FBXL13: variants seen among roughly 807,000 people sequenced by gnomAD.
FBXL13 encodes F-box and leucine rich repeat protein 13, also known as F-box and leucine-rich repeat protein 13.
FBXL13 carries 67 observed loss-of-function variants against 83.6 expected under a neutral mutation model. That is an observed-to-expected ratio of 0.80 (90% CI 0.66 to 0.98). FBXL13 has a LOEUF of 0.98. Among genes scored for constraint, FBXL13 ranks in the 50% least tolerant of loss-of-function variants. The pLI, the probability that FBXL13 is intolerant of heterozygous loss-of-function variation, is 0.00. For missense variants in FBXL13, 822 were observed against 866.5 expected, an observed-to-expected ratio of 0.95 and a Z score of 0.64; for synonymous variants, 272 against 299.5, an observed-to-expected ratio of 0.91 and a Z score of 0.95.
At chr7:102,831,468 T>C (rs1800689075) in intron 18 of FBXL13, among the ~76,000 whole-genome samples, 1 of 151,490 alleles carries the variant, frequency 6.6e-6, no homozygotes, top group Non-Finnish European at 1.5e-5. Flanking sequence ...AAAATATGAA[T>C]AGTGTCAGGG....
At position 103,046,049 on chromosome 7, in the gene FBXL13, T is replaced by C. The variant is rs1365769604; in HGVS notation, c.-1+9595A>G. The stretch of plus-strand genomic sequence containing the variant: ...ATTATTATGACTCTCAGGAGGATAA[T>C]ACCAAGAGTTTAGAGTATGCTCCTT... On this transcript the variant is annotated intron_variant, in intron 2 of 19. Coordinates refer to ENST00000313221, the Ensembl canonical transcript of FBXL13. Among the ~76,000 whole-genome samples, 4 of 152,196 alleles carry C rather than the reference T, an allele frequency of 2.6e-5. No homozygotes were observed. The East Asian group carries it at 7.7e-4, about 29-fold the overall frequency.
chr7:102,871,177 C>T lies in FBXL13; in HGVS notation c.1635+6290G>A, dbSNP rs150346603. Among the ~76,000 whole-genome samples the T allele has an allele frequency of 6.6e-5, 10 of 152,184 alleles. No homozygotes were observed. The East Asian group carries it at 1.9e-3, about 29-fold the overall frequency. Reference sequence around the variant, plus strand: ...ATGCCCTCCTTGAGGATCTTGGCCACATTCACACCTCCATGAGAATGACTC... The same window carrying T: ...ATGCCCTCCTTGAGGATCTTGGCCATATTCACACCTCCATGAGAATGACTC... On this transcript the variant is annotated intron_variant, in intron 16 of 19. Transcript: ENST00000313221.
At chr7:102,934,304 C>T (rs756216285) in intron 8 of FBXL13, 11 of 1,614,010 alleles carry the variant, frequency 6.8e-6, no homozygotes, top group Admixed American at 1.7e-5. Context: ...TTTAAACAAA[C>T]TCACCACCCT....
intron 2 of FBXL13, among the ~76,000 whole-genome samples, chr7:103,042,509 T>C (rs527689280): frequency 2.6e-5 from 4 of 152,294 alleles, no homozygotes; most frequent in East Asian, 1.9e-4. Context: ...AAAGCCCACA[T>C]AGCCAAGGCA....
chr7:102,957,489 A>T (rs1290084743), intron 8 of FBXL13, among the ~76,000 whole-genome samples: 3 of 152,160 alleles, frequency 2.0e-5, no homozygotes, highest in Non-Finnish European at 4.4e-5. Flanking sequence ...GGACTTCATG[A>T]CTAAAACACC....
chr7:102,826,310 T>C (rs1218257560), intron 18 of FBXL13, among the ~76,000 whole-genome samples: 1 of 152,132 alleles, frequency 6.6e-6, no homozygotes, highest in Non-Finnish European at 1.5e-5. Flanking sequence ...TCATGAGATA[T>C]TAACTAATGA....
intron 10 of FBXL13, among the ~76,000 whole-genome samples, chr7:102,919,801 C>G (rs1816638966): frequency 6.6e-6 from 1 of 152,194 alleles, no homozygotes; most frequent in African/African-American, 2.4e-5. Context: ...ATCTGACTCT[C>G]ATGCATCTTT....
intron 2 of FBXL13, among the ~76,000 whole-genome samples, chr7:103,042,727 C>A (rs1433600134): frequency 6.6e-6 from 1 of 152,158 alleles, no homozygotes; most frequent in Non-Finnish European, 1.5e-5. Flanking sequence ...GGAAAGAGTT[C>A]TCTATTTAAT....
At chr7:102,819,913 G>A (rs1455766689) in intron 19 of FBXL13, among the ~76,000 whole-genome samples, 3 of 152,184 alleles carry the variant, frequency 2.0e-5, no homozygotes, top group South Asian at 2.1e-4. Flanking sequence ...TAGAGCACCC[G>A]GAGCTGATCG....
chr7:102,968,140 A>C (rs1036076611), intron 6 of FBXL13, 23 bp from the exon 8 acceptor site: 1 of 1,529,836 alleles, frequency 6.5e-7, no homozygotes, highest in Non-Finnish European at 9.0e-7. Context: ...AAAAATACAC[A>C]ACTTTGAAAA....
intron 18 of FBXL13, among the ~76,000 whole-genome samples, chr7:102,827,396 T>C (rs371296409): frequency 3.3e-5 from 5 of 152,298 alleles, no homozygotes; most frequent in African/African-American, 1.2e-4. Context: ...CCCACAGGTT[T>C]GTGAGAAAAT....
intron 17 of FBXL13, among the ~76,000 whole-genome samples, chr7:102,841,545 G>C (rs932601082): frequency 2.0e-5 from 3 of 152,240 alleles, no homozygotes; most frequent in Non-Finnish European, 4.4e-5. Flanking sequence ...AGAAAACACA[G>C]TACCCATGAC....
intron 17 of FBXL13, among the ~76,000 whole-genome samples, chr7:102,842,726 G>GCCT (rs1418020688): frequency 2.6e-5 from 4 of 152,154 alleles, no homozygotes; most frequent in Non-Finnish European, 5.9e-5. Flanking sequence ...AATGAGGTAG[G>GCCT]TACTCCTGGG....
At chr7:102,934,634 T>C in intron 8 of FBXL13, 2 of 1,608,124 alleles carry the variant, frequency 1.2e-6, no homozygotes, top group Non-Finnish European at 1.7e-6. Context: ...GGACTCAACT[T>C]TTTGCCACAA....
At chr7:102,918,458 C>A (rs1468590274) in intron 10 of FBXL13, among the ~76,000 whole-genome samples, 1 of 152,124 alleles carries the variant, frequency 6.6e-6, no homozygotes, top group East Asian at 1.9e-4. Context: ...GAAAAAAAGC[C>A]ATTTCAATGT....
chr7:102,912,206 C>A (rs1341935915), intron 11 of FBXL13, among the ~76,000 whole-genome samples: 5 of 152,146 alleles, frequency 3.3e-5, no homozygotes, highest in African/African-American at 1.2e-4. Context: ...TAAATACATA[C>A]CACCACAGCA....
intron 6 of FBXL13, among the ~76,000 whole-genome samples, chr7:102,991,710 C>T (rs946195453): frequency 1.1e-4 from 17 of 152,176 alleles, no homozygotes; most frequent in African/African-American, 4.1e-4. Context: ...TGATAAATTG[C>T]TTCAATGCAA....
chr7:103,033,306 C>A (rs1420229972), intron 2 of FBXL13, among the ~76,000 whole-genome samples: 1 of 152,166 alleles, frequency 6.6e-6, no homozygotes, highest in Non-Finnish European at 1.5e-5. Flanking sequence ...AAACTGCAGG[C>A]AGAATCCAAA....
intron 18 of FBXL13, among the ~76,000 whole-genome samples, chr7:102,824,672 G>A (rs1799309601): frequency 6.6e-6 from 1 of 151,884 alleles, no homozygotes; most frequent in African/African-American, 2.4e-5. Context: ...TTTTAGTAGA[G>A]ACAGGGTTTT....
Sources: gnomAD v4.1 joint callset for allele counts (sites outside exome capture counted in the v4.1 genomes callset) on GRCh38, gnomAD v4.1.1 for gene constraint, MANE v1.5 for transcripts, NCBI Gene and HGNC (gene_info 2026-07-23, HGNC 2026-07-21) for gene names.